Variants in CTNNA3 observed in about 807,000 individuals in gnomAD.
The protein encoded by CTNNA3 is catenin alpha-3.
CTNNA3 carries 76 observed loss-of-function variants against 95.7 expected under a neutral mutation model. The observed-to-expected ratio is 0.79, with a 90% CI of 0.66 to 0.96. The LOEUF (loss-of-function observed/expected upper bound fraction) is 0.96, where lower values mean the gene tolerates loss of function less well. Among genes scored for constraint, CTNNA3 ranks in the 40% least tolerant of loss-of-function variants. The pLI is 0.00. For synonymous variants in CTNNA3, 431 were observed against 374.4 expected, an observed-to-expected ratio of 1.15 and a Z score of -1.74; for missense variants, 1,191 against 1,089.8, an observed-to-expected ratio of 1.09 and a Z score of -1.31.
At chr10:66,510,046 A>C (rs529523688) in intron 11 of CTNNA3, among the ~76,000 whole-genome samples, 150 of 151,754 alleles carry the variant, frequency 9.9e-4, no homozygotes, top group African/African-American at 3.4e-3. Context: ...AATGTTTTTC[A>C]ATTTCTTTTT....
At chr10:66,115,457 A>G (rs2082289046) in intron 13 of CTNNA3, among the ~76,000 whole-genome samples, 1 of 152,090 alleles carries the variant, frequency 6.6e-6, no homozygotes, top group Admixed American at 6.6e-5. Flanking sequence ...TTTCCATAAC[A>G]AAGATTTTGA....
chr10:66,992,956 G>GT (rs1851121732), intron 7 of CTNNA3, among the ~76,000 whole-genome samples: 1 of 152,064 alleles, frequency 6.6e-6, no homozygotes, highest in African/African-American at 2.4e-5. Flanking sequence ...AGCTTTATAA[G>GT]TTTTTTGGAT....
At chr10:67,726,606 T>C (rs1365242029) in intron 1 of CTNNA3, among the ~76,000 whole-genome samples, 2 of 53,048 alleles carry the variant, frequency 3.8e-5, no homozygotes, top group East Asian at 8.3e-4. Flanking sequence ...TATTACATAT[T>C]ATATAATATA....
At chr10:66,221,375 T>G (rs535518046) in intron 13 of CTNNA3, among the ~76,000 whole-genome samples, 6 of 152,312 alleles carry the variant, frequency 3.9e-5, no homozygotes, top group African/African-American at 1.4e-4. Context: ...TTTATGTAAG[T>G]GATATGTGGT....
chr10:66,607,975 AG>A (rs1490815742), intron 10 of CTNNA3, among the ~76,000 whole-genome samples: 1 of 152,172 alleles, frequency 6.6e-6, no homozygotes, highest in Non-Finnish European at 1.5e-5. Flanking sequence ...AAATAAATAA[AG>A]GGCATGTAAA....
At chr10:66,593,317 T>C (rs1843612324) in intron 10 of CTNNA3, among the ~76,000 whole-genome samples, 1 of 152,136 alleles carries the variant, frequency 6.6e-6, no homozygotes, top group African/African-American at 2.4e-5. Context: ...TTCAAGTCAC[T>C]GGTGACATAG....
chr10:66,254,319 A>G (rs1162258912), intron 13 of CTNNA3, among the ~76,000 whole-genome samples: 1 of 152,142 alleles, frequency 6.6e-6, no homozygotes, highest in Non-Finnish European at 1.5e-5. Context: ...AAGTAACTAG[A>G]ATTTCTATAG....
intron 7 of CTNNA3, among the ~76,000 whole-genome samples, chr10:67,094,994 T>A (rs80005056): frequency 0.016 from 2,367 of 151,528 alleles, 70 homozygotes; most frequent in East Asian, 0.11. Flanking sequence ...AAACTATAAG[T>A]AATTGGCTTT....
chr10:66,417,738 T>C (rs2132618992), intron 11 of CTNNA3, among the ~76,000 whole-genome samples: 1 of 152,028 alleles, frequency 6.6e-6, no homozygotes, highest in East Asian at 1.9e-4. Flanking sequence ...TTGGAAACTA[T>C]ATAAATATAC....
chr10:67,070,418 C>A (rs890084472), intron 7 of CTNNA3, among the ~76,000 whole-genome samples: 1 of 151,992 alleles, frequency 6.6e-6, no homozygotes, highest in African/African-American at 2.4e-5. Flanking sequence ...ACCAATCTCT[C>A]TCTATATATA....
At chr10:66,837,366 T>C (rs544650713) in intron 7 of CTNNA3, 4 of 152,234 alleles carry the variant, frequency 2.6e-5, no homozygotes, top group African/African-American at 9.6e-5. Context: ...AAAGATAACA[T>C]GTCCATGTAT....
chr10:66,536,922 C>T (rs1466307830), intron 10 of CTNNA3, among the ~76,000 whole-genome samples: 1 of 151,910 alleles, frequency 6.6e-6, no homozygotes, highest in Non-Finnish European at 1.5e-5. Flanking sequence ...TTTATGTATC[C>T]TAAAATGTTT....
chr10:66,237,550 A>G (rs2089914127), intron 13 of CTNNA3, among the ~76,000 whole-genome samples: 1 of 134,586 alleles, frequency 7.4e-6, no homozygotes, highest in African/African-American at 2.7e-5. Context: ...CAAGTACATA[A>G]TAGAGTTTTG....
At chr10:66,851,060 C>T (rs1388402163) in intron 7 of CTNNA3, among the ~76,000 whole-genome samples, 1 of 152,116 alleles carries the variant, frequency 6.6e-6, no homozygotes, top group Non-Finnish European at 1.5e-5. Context: ...AGTCCAGACT[C>T]CTCTCACCCT....
At chr10:66,442,135 A>G (rs2093379326) in intron 11 of CTNNA3, among the ~76,000 whole-genome samples, 1 of 152,208 alleles carries the variant, frequency 6.6e-6, no homozygotes, top group African/African-American at 2.4e-5. Context: ...TTCCTAAAAA[A>G]TATAGTATAA....
rs2076968412 is a variant in CTNNA3 at position 65,913,311 on chromosome 10, T to G, written c.*7019A>C. ...TTCTCTAGAAGTTTTAATTCATATTTAATCACCCAACTTGCCCAAGAAAAT... is the reference window on the plus strand; with the variant it reads ...TTCTCTAGAAGTTTTAATTCATATTGAATCACCCAACTTGCCCAAGAAAAT... On this transcript the variant is annotated 3_prime_UTR_variant, in exon 18 of 18. Transcript: ENST00000433211. The G allele has an allele frequency of 6.6e-6, 1 of 152,162 alleles. No individual in the cohort carries two copies. The highest frequency in any genetic ancestry group is 2.1e-4 in the South Asian group (1 of 4,834). The allele number at this position is 152,162 out of a possible 1,614,324, so 9.4% of individuals were successfully genotyped here.
Position 66,562,837 on chromosome 10 carries a change from T to C in CTNNA3, c.1375-42064A>G, listed in dbSNP as rs573452834. The stretch of plus-strand genomic sequence containing the variant: ...GAAGTTTGAAGCATTTCACTGGAAA[T>C]ATCTTTATACTATTTGTTCAATAAA... On this transcript the variant is annotated intron_variant, in intron 10 of 17. Transcript: ENST00000433211. 8.5e-5 allele frequency among the ~76,000 whole-genome samples: 13 copies of C among 152,194 alleles called. No individual in the cohort carries two copies. In the South Asian group the frequency reaches 2.5e-3, roughly 29 times the overall value.
chr10:67,058,608 C>CT (rs892187973), intron 7 of CTNNA3, among the ~76,000 whole-genome samples: 17 of 151,968 alleles, frequency 1.1e-4, no homozygotes, highest in Non-Finnish European at 2.9e-5. Flanking sequence ...TGCAAGGCCC[C>CT]TTTTTTTTCT....
Position 67,424,634 on chromosome 10 carries a change from A to T in CTNNA3, c.579+97208T>A, listed in dbSNP as rs1845852967. 2.0e-5 allele frequency among the ~76,000 whole-genome samples: 3 copies of T among 152,190 alleles called. No homozygotes were observed. The South Asian group carries it at 6.2e-4, about 32-fold the overall frequency. ...TCTTTTTTATATTTTGAGGCAAACA[A>T]TTTCTAACTACTATTTCTTTCCAAA... On this transcript the variant is annotated intron_variant, in intron 5 of 17. Transcript: ENST00000433211.
Sources: allele counts gnomAD v4.1 joint callset (sites outside exome capture counted in the v4.1 genomes callset), GRCh38; gene constraint gnomAD v4.1.1; transcripts MANE v1.5; gene names NCBI Gene and HGNC (gene_info 2026-07-23, HGNC 2026-07-21).